CATSPER3: variants seen among roughly 807,000 people sequenced by gnomAD.
The protein encoded by CATSPER3 is cation channel sperm-associated protein 3.
Under a neutral mutation model 36.6 loss-of-function variants are expected in CATSPER3, and 23 were observed. The observed-to-expected ratio is 0.63, with a 90% CI of 0.45 to 0.89. The LOEUF (loss-of-function observed/expected upper bound fraction) is 0.89. Among genes scored for constraint, CATSPER3 ranks in the 40% least tolerant of loss-of-function variants. The probability of loss-of-function intolerance (pLI) is 0.00; values close to 1 mark genes in which losing one functional copy is unlikely to be tolerated. For missense variants in CATSPER3, 474 were observed against 503.9 expected (o/e 0.94, Z 0.57); for synonymous variants, 172 against 184.1 (o/e 0.93, Z 0.53).
At chr5:134,969,173 T>C (rs554901926) in intron 1 of CATSPER3, 1 of 152,350 alleles carries the variant, frequency 6.6e-6, no homozygotes, top group South Asian at 2.1e-4. Flanking sequence ...GAAAAAATAC[T>C]GAGATAGACA....
At chr5:135,009,283 G>A in intron 5 of CATSPER3, 88 bp from the exon 6 acceptor site, 1 of 1,377,004 alleles carries the variant, frequency 7.3e-7, no homozygotes, top group Non-Finnish European at 1.0e-6. Context: ...GAGGGCCTGA[G>A]CAGCGGTGCA....
At chr5:134,998,986 G>GC (rs1328440637) in intron 3 of CATSPER3, among the ~76,000 whole-genome samples, 7 of 152,096 alleles carry the variant, frequency 4.6e-5, no homozygotes, top group Non-Finnish European at 1.0e-4. Context: ...TGAAGTCCTT[G>GC]CCATGCCTAT....
chr5:134,980,322 CCTTT>C (rs1464112889), intron 2 of CATSPER3, among the ~76,000 whole-genome samples: 1 of 147,574 alleles, frequency 6.8e-6, no homozygotes, highest in Admixed American at 6.8e-5. Context: ...CCTTTATTCT[CCTTT>C]CTCTTTTTTT....
rs1752141995 is a variant in CATSPER3 at position 135,008,977 on chromosome 5, C to T, written c.812C>T (p.Thr271Ile). Residue 271 changes from threonine (T) to isoleucine (I), a missense_variant, in exon 5 of 8, where the codon ACA becomes ATA. Thr to Ile is a moderately conservative substitution (Grantham distance 89, BLOSUM62 -1). Transcript: ENST00000282611. Reference protein sequence around the residue: ...NMFVGVMIMHTEDSIRKFERE... With the variant: ...NMFVGVMIMHIEDSIRKFERE... The stretch of plus-strand genomic sequence containing the variant: ...TTCGTGGGTGTGATGATCATGCACA[C>T]AGAGGTGAGGCCACACCTGTGAGGA... The T allele has an allele frequency of 6.2e-7, 1 of 1,613,928 alleles. No individual in the cohort carries two copies. The highest frequency in any genetic ancestry group is 1.7e-5 in the Admixed American group (1 of 60,014).
intron 2 of CATSPER3, among the ~76,000 whole-genome samples, chr5:134,981,204 C>A (rs757928286): frequency 2.1e-4 from 32 of 151,826 alleles, no homozygotes; most frequent in Non-Finnish European, 4.0e-4. Flanking sequence ...AAGAAAATCT[C>A]TGTTGGCCGG....
chr5:134,984,670 G>T (rs1751788009), intron 2 of CATSPER3, among the ~76,000 whole-genome samples: 1 of 152,162 alleles, frequency 6.6e-6, no homozygotes, highest in Non-Finnish European at 1.5e-5. Context: ...TACATTGCTG[G>T]TAGGAAGCTA....
intron 2 of CATSPER3, 21 bp from the exon 3 acceptor site, chr5:134,996,252 C>T (rs767760330): frequency 4.3e-6 from 7 of 1,614,048 alleles, no homozygotes; most frequent in Admixed American, 1.7e-5. Flanking sequence ...CTGACTTCTC[C>T]AACCCTTGCT....
At chr5:134,986,247 C>T (rs1175988186) in intron 2 of CATSPER3, among the ~76,000 whole-genome samples, 13 of 150,964 alleles carry the variant, frequency 8.6e-5, no homozygotes, top group Admixed American at 2.0e-4. Flanking sequence ...TGGGTTCAAG[C>T]GATCCTCCTG....
chr5:135,001,642 G>A (rs1429106575), intron 3 of CATSPER3, among the ~76,000 whole-genome samples: 1 of 152,150 alleles, frequency 6.6e-6, no homozygotes, highest in Non-Finnish European at 1.5e-5. Context: ...GAATCTGGGT[G>A]CTCCTGTATT....
At chr5:135,005,889 G>C (rs191366955) in intron 3 of CATSPER3, among the ~76,000 whole-genome samples, 13 of 152,208 alleles carry the variant, frequency 8.5e-5, no homozygotes, top group South Asian at 2.1e-4. Flanking sequence ...CCAATGGGCT[G>C]TGTAGGAGGG....
At chr5:134,970,447 C>A (rs1051603324) in intron 2 of CATSPER3, among the ~76,000 whole-genome samples, 3 of 152,108 alleles carry the variant, frequency 2.0e-5, no homozygotes, top group African/African-American at 2.4e-5. Flanking sequence ...GCGTTAGCCA[C>A]CATGCCCAGC....
chr5:134,999,494 T>G (rs957823339), intron 3 of CATSPER3, among the ~76,000 whole-genome samples: 2 of 152,200 alleles, frequency 1.3e-5, no homozygotes, highest in African/African-American at 4.8e-5. Flanking sequence ...ATAAATTACC[T>G]TGGGCAGTAT....
At chr5:134,983,112 A>G (rs1427988175) in intron 2 of CATSPER3, among the ~76,000 whole-genome samples, 1 of 152,190 alleles carries the variant, frequency 6.6e-6, no homozygotes, top group East Asian at 1.9e-4. Flanking sequence ...AAAATCAGGT[A>G]TATATGCAAA....
Position 135,009,469 on chromosome 5 carries a change from C to A in CATSPER3, c.915C>A (p.Ile305=). The A allele has an allele frequency of 6.7e-7, 1 of 1,496,722 alleles. No homozygotes were observed. The highest frequency in any genetic ancestry group is 8.9e-7 in the Non-Finnish European group (1 of 1,123,044). The allele number at this position is 1,496,722 out of a possible 1,614,324, so 92.7% of individuals were successfully genotyped here. ...TTCTGCAGCGGCAGCAGGAGGAGAT[C>A]AGCAGGCTGATGCACATACAGGTGA... The part of the protein sequence containing the change: ...QVILQRQQEE[I]SRLMHIQKNA... The change falls in exon 6 of 8, where the codon ATC becomes ATA. Residue 305 remains isoleucine (I), a synonymous_variant. Coordinates refer to ENST00000282611, the MANE Select transcript of CATSPER3 (RefSeq NM_178019.3).
chr5:134,969,338 T>A lies in CATSPER3; in HGVS notation c.99-601T>A, dbSNP rs115137126. Reference sequence around the variant, plus strand: ...ACACTGTTGCCAGCATTAGATCTTATCACATTTAAGTCATTGCTAATTTTA... The same window carrying A: ...ACACTGTTGCCAGCATTAGATCTTAACACATTTAAGTCATTGCTAATTTTA... On this transcript the variant is annotated intron_variant, in intron 1 of 7. Transcript: ENST00000282611. The A allele has an allele frequency of 5.0e-3, 789 of 158,770 alleles. 5 individuals carry two copies. Among genetic ancestry groups the A allele is most frequent in the African/African-American group, 0.017 (725 of 41,614 alleles). 9.8% of individuals were successfully genotyped at this position (158,770 alleles called of 1,614,324 possible). A position where few individuals can be genotyped will look rare whatever the true frequency, so the allele number is the denominator to read the frequency against.
At chr5:134,994,938 C>T (rs2149550281) in intron 2 of CATSPER3, among the ~76,000 whole-genome samples, 1 of 151,730 alleles carries the variant, frequency 6.6e-6, no homozygotes, top group East Asian at 1.9e-4. Flanking sequence ...TACCTCCCTC[C>T]CTTCCTTCCT....
chr5:135,007,662 A>T (rs1425041262), intron 3 of CATSPER3, among the ~76,000 whole-genome samples: 1 of 152,236 alleles, frequency 6.6e-6, no homozygotes, highest in East Asian at 1.9e-4. Flanking sequence ...GTTCAAGTGG[A>T]GTGGTCACCT....
intron 4 of CATSPER3, among the ~76,000 whole-genome samples, 162 bp from the exon 5 acceptor site, chr5:135,008,679 C>T (rs1292635806): frequency 1.3e-5 from 2 of 152,188 alleles, no homozygotes; most frequent in Non-Finnish European, 1.5e-5. Context: ...CCCAGGCCAT[C>T]ACGTATGTGC....
At position 134,995,611 on chromosome 5, in the gene CATSPER3, G is replaced by A. The variant is rs59366460; in HGVS notation, c.253-662G>A. ...TGCCTTACTCATTGTTGCATTTCCC[G>A]GTGCCTAAAATGATGTTTGCTTGTT... On this transcript the variant is annotated intron_variant, in intron 2 of 7. Transcript: ENST00000282611. 649 of 159,334 alleles carry A rather than the reference G, an allele frequency of 4.1e-3. 4 individuals carry two copies. The highest frequency in any genetic ancestry group is 0.013 in the African/African-American group (558 of 41,542). The allele number at this position is 159,334 out of a possible 1,614,324, so 9.9% of individuals were successfully genotyped here. A position where few individuals can be genotyped will look rare whatever the true frequency, so the allele number is the denominator to read the frequency against.
Sources: gnomAD v4.1 joint callset for allele counts (sites outside exome capture counted in the v4.1 genomes callset) on GRCh38, gnomAD v4.1.1 for gene constraint, MANE v1.5 for transcripts, NCBI Gene and HGNC (gene_info 2026-07-23, HGNC 2026-07-21) for gene names.